The following PTPRG variants were observed in gnomAD, a reference collection of about 807,000 sequenced individuals.
PTPRG encodes receptor-type tyrosine-protein phosphatase gamma.
In PTPRG, 102 loss-of-function variants were observed where a neutral mutation model predicts 165.3. That is an observed-to-expected ratio of 0.62 (90% CI 0.53 to 0.73). The LOEUF is 0.73. Ranked by LOEUF, PTPRG falls within the 30% of genes least tolerant of loss-of-function variation. The pLI, the probability that PTPRG is intolerant of heterozygous loss-of-function variation, is 0.00. For missense variants in PTPRG, 1,866 were observed against 1,861.4 expected, an observed-to-expected ratio of 1.00 and a Z score of -0.05; for synonymous variants, 675 against 669.5, an observed-to-expected ratio of 1.01 and a Z score of -0.13.
intron 1 of PTPRG, among the ~76,000 whole-genome samples, chr3:61,631,047 C>T (rs952009659): frequency 2.0e-5 from 3 of 150,298 alleles, no homozygotes; most frequent in Admixed American, 6.6e-5. Flanking sequence ...CAGAGCGAGA[C>T]GCTGTCTCAA....
rs909586512 is a variant in PTPRG at position 62,282,838 on chromosome 3, A to G, written c.4024A>G (p.Thr1342Ala). ...CAACGTCATCAAGGAAGAGGCCTTA[A>G]CAAGGGATGGTCCCACCATTGTTCA... ...LINVIKEEAL[T>A]RDGPTIVHDE... Residue 1342 changes from threonine (T) to alanine (A), a missense_variant, in exon 28 of 30, where the codon ACA becomes GCA. Around this residue, in one of 3 missense-constraint regions of PTPRG, gnomAD observed 1,452 missense variants for 1,463.0 expected, o/e 0.99. Coordinates refer to ENST00000474889, the MANE Select transcript of PTPRG (RefSeq NM_002841.4). The G allele has an allele frequency of 6.2e-7, 1 of 1,611,454 alleles. No homozygotes were observed. The highest frequency in any genetic ancestry group is 1.1e-5 in the South Asian group (1 of 90,744).
At chr3:61,860,762 C>CT (rs1208725855) in intron 2 of PTPRG, among the ~76,000 whole-genome samples, 2 of 152,080 alleles carry the variant, frequency 1.3e-5, no homozygotes, top group Non-Finnish European at 2.9e-5. Context: ...AAAATTAAAG[C>CT]TTTTCAGGTA....
intron 2 of PTPRG, among the ~76,000 whole-genome samples, chr3:61,964,518 C>G (rs750768749): frequency 9.2e-5 from 14 of 152,154 alleles, no homozygotes; most frequent in Non-Finnish European, 1.5e-4. Context: ...AGTTTGAGAT[C>G]AAAACTCTCC....
chr3:62,021,359 AAGGT>A (rs1191581581), intron 4 of PTPRG, among the ~76,000 whole-genome samples: 1 of 152,238 alleles, frequency 6.6e-6, no homozygotes, highest in Admixed American at 6.5e-5. Context: ...ATGAAGATGA[AAGGT>A]AGGAGAGATG....
intron 2 of PTPRG, among the ~76,000 whole-genome samples, chr3:61,767,578 G>A (rs1033436716): frequency 7.2e-5 from 11 of 152,160 alleles, no homozygotes; most frequent in Non-Finnish European, 1.5e-4. Flanking sequence ...ATAAATTAGG[G>A]AAAGCTAGAA....
At chr3:61,765,753 A>C (rs2033997581) in intron 2 of PTPRG, among the ~76,000 whole-genome samples, 1 of 152,244 alleles carries the variant, frequency 6.6e-6, no homozygotes, top group Non-Finnish European at 1.5e-5. Flanking sequence ...GGCCACAGAT[A>C]TCTTCCAGAA....
intron 4 of PTPRG, among the ~76,000 whole-genome samples, chr3:62,046,025 C>G (rs1241844890): frequency 1.3e-5 from 2 of 152,162 alleles, no homozygotes; most frequent in Non-Finnish European, 2.9e-5. Flanking sequence ...TGTCCCTTCT[C>G]TTCCCCCTGT....
intron 4 of PTPRG, among the ~76,000 whole-genome samples, chr3:62,037,787 C>G (rs757186389): frequency 6.6e-5 from 10 of 152,152 alleles, no homozygotes; most frequent in Admixed American, 2.6e-4. Context: ...TTCATTAGGT[C>G]TCGCCTCTTA....
intron 1 of PTPRG, among the ~76,000 whole-genome samples, chr3:61,641,353 G>A (rs763932764): frequency 6.6e-6 from 1 of 152,164 alleles, no homozygotes; most frequent in African/African-American, 2.4e-5. Context: ...GGAACAAAGT[G>A]GAAATCTCGG....
intron 5 of PTPRG, among the ~76,000 whole-genome samples, chr3:62,105,902 A>G (rs948907730): frequency 3.3e-5 from 5 of 152,228 alleles, no homozygotes; most frequent in African/African-American, 1.2e-4. Context: ...CTATGTGCCT[A>G]GGGAACAACA....
At chr3:62,192,215 C>CT (rs980177612) in intron 9 of PTPRG, among the ~76,000 whole-genome samples, 2 of 151,892 alleles carry the variant, frequency 1.3e-5, no homozygotes, top group African/African-American at 4.8e-5. Flanking sequence ...TATTTTATCT[C>CT]TTTTCTCAGA....
chr3:61,806,573 G>A (rs573820317), intron 2 of PTPRG, among the ~76,000 whole-genome samples: 2 of 145,920 alleles, frequency 1.4e-5, no homozygotes, highest in East Asian at 4.2e-4. Context: ...GATTTATATT[G>A]CATCTTAGTG....
At chr3:61,694,158 G>A (rs1045876973) in intron 1 of PTPRG, among the ~76,000 whole-genome samples, 3 of 152,108 alleles carry the variant, frequency 2.0e-5, no homozygotes, top group Non-Finnish European at 4.4e-5. Context: ...TTTGAATACA[G>A]GGAAGAATGC....
intron 5 of PTPRG, among the ~76,000 whole-genome samples, chr3:62,105,981 A>C (rs1333753183): frequency 6.6e-6 from 1 of 152,220 alleles, no homozygotes; most frequent in Non-Finnish European, 1.5e-5. Context: ...AAACATTAAC[A>C]CATTTAGAGA....
At chr3:61,826,851 G>A (rs1324058538) in intron 2 of PTPRG, among the ~76,000 whole-genome samples, 1 of 133,586 alleles carries the variant, frequency 7.5e-6, no homozygotes, top group Non-Finnish European at 1.6e-5. Context: ...TTTTTTTTCC[G>A]ATTATGTGGT....
intron 16 of PTPRG, among the ~76,000 whole-genome samples, chr3:62,256,061 A>T (rs1465826701): frequency 6.6e-6 from 1 of 152,172 alleles, no homozygotes; most frequent in East Asian, 1.9e-4. Context: ...ATGGCAGCTC[A>T]GCTGTCTTCT....
chr3:61,877,985 G>T (rs528745294), intron 2 of PTPRG, among the ~76,000 whole-genome samples: 6 of 152,260 alleles, frequency 3.9e-5, no homozygotes, highest in African/African-American at 1.2e-4. Flanking sequence ...AATTTGAAAT[G>T]CTGCCAAGGC....
intron 5 of PTPRG, among the ~76,000 whole-genome samples, chr3:62,091,075 T>C (rs1371862098): frequency 6.6e-6 from 1 of 152,218 alleles, no homozygotes; most frequent in African/African-American, 2.4e-5. Context: ...TTGATGATGA[T>C]AATTAGCAAC....
At chr3:61,694,017 A>G (rs2030394636) in intron 1 of PTPRG, among the ~76,000 whole-genome samples, 1 of 148,562 alleles carries the variant, frequency 6.7e-6, no homozygotes, top group Admixed American at 6.7e-5. Flanking sequence ...CCAAAAAAAA[A>G]AAAAAAAAAG....
Sources: gnomAD v4.1 joint callset for allele counts (sites outside exome capture counted in the v4.1 genomes callset) on GRCh38, gnomAD v4.1.1 for gene constraint, gnomAD v4.1.1 regional missense constraint, MANE v1.5 for transcripts, NCBI Gene and HGNC (gene_info 2026-07-23, HGNC 2026-07-21) for gene names.